The following ITGAM variants were observed in gnomAD, a reference collection of about 807,000 sequenced individuals.
The protein encoded by ITGAM is integrin alpha-M.
Under a neutral mutation model 137.5 loss-of-function variants are expected in ITGAM, and 79 were observed. That is an observed-to-expected ratio of 0.57 (90% CI 0.48 to 0.69). The LOEUF (loss-of-function observed/expected upper bound fraction) is 0.69, where lower values mean the gene tolerates loss of function less well. Ranked by LOEUF, ITGAM falls within the 30% of genes least tolerant of loss-of-function variation. The pLI is 0.00. For synonymous variants in ITGAM, 583 were observed against 592.3 expected, an observed-to-expected ratio of 0.98 and a Z score of 0.23; for missense variants, 1,343 against 1,483.5, an observed-to-expected ratio of 0.91 and a Z score of 1.56.
In ITGAM at chr16:31,328,383, G is replaced by A. The variant is rs531112798; in HGVS notation, c.2792+153G>A. ...GTGCATGGGTGTGTATTTGGGCATG[G>A]GTGTGTGAGTGTGATGATCTATGTG... is the stretch of plus-strand genomic sequence containing the variant. On this transcript the variant is annotated intron_variant, in intron 23 of 29. Transcript: ENST00000544665. Among the ~76,000 whole-genome samples, 11 of 148,240 alleles carry A rather than the reference G, an allele frequency of 7.4e-5. No individual in the cohort carries two copies. The East Asian group carries it at 2.3e-3, about 31-fold the overall frequency.
intron 21 of ITGAM, 79 bp from the exon 22 acceptor site, chr16:31,326,777 T>G: frequency 1.0e-6 from 1 of 961,176 alleles, no homozygotes; most frequent in Non-Finnish European, 1.7e-6. Flanking sequence ...ATTTCATGTC[T>G]CCATTAATCA....
intron 5 of ITGAM, among the ~76,000 whole-genome samples, chr16:31,268,935 C>T (rs1167821277): frequency 2.0e-5 from 3 of 152,124 alleles, no homozygotes; most frequent in African/African-American, 2.4e-5. Context: ...CTAGACAGAG[C>T]CGATTCATCA....
chr16:31,290,011 G>T lies in ITGAM; in HGVS notation c.1357-7503G>T, dbSNP rs763988606. 1.3e-4 allele frequency among the ~76,000 whole-genome samples: 19 copies of T among 149,480 alleles called. 1 individual carries two copies. The highest frequency in any genetic ancestry group is 6.4e-3 in the Middle Eastern group (2 of 312). On this transcript the variant is annotated intron_variant, in intron 12 of 29. Coordinates refer to ENST00000544665, the MANE Select transcript of ITGAM (RefSeq NM_000632.4). ...CAGGAGAATCGCTTGAATCTGGGAGGCAGAGGTTATGGTGAGCCGAGATCA... is the reference window on the plus strand; with the variant it reads ...CAGGAGAATCGCTTGAATCTGGGAGTCAGAGGTTATGGTGAGCCGAGATCA...
In ITGAM at chr16:31,279,007, A is replaced by C. The variant is rs560202796; in HGVS notation, c.1356+898A>C. 2.0e-4 allele frequency among the ~76,000 whole-genome samples: 31 copies of C among 152,206 alleles called. No homozygotes were observed. The South Asian group carries it at 6.2e-3, about 31-fold the overall frequency. ...GCAGTGTTTGGTTTTCTGTGCTTGC[A>C]ACAGTTTGCTCAGAATGATGGTTTC... is the stretch of plus-strand genomic sequence containing the variant. On this transcript the variant is annotated intron_variant, in intron 12 of 29. Transcript: ENST00000544665.
chr16:31,262,386 T>G (rs983683964), intron 2 of ITGAM, among the ~76,000 whole-genome samples: 3 of 145,024 alleles, frequency 2.1e-5, no homozygotes, highest in Admixed American at 7.0e-5. Context: ...CTTCCTTCCT[T>G]CCTTCCTTCC....
At chr16:31,313,012 G>A (rs934936295) in intron 14 of ITGAM, among the ~76,000 whole-genome samples, 6 of 152,038 alleles carry the variant, frequency 3.9e-5, no homozygotes, top group Admixed American at 2.0e-4. Flanking sequence ...GAGGTCAGGA[G>A]TTCAAGACCA....
rs199881740 is a variant in ITGAM, at chr16:31,275,564, C to G, written c.874C>G (p.Arg292Gly). 1 of 1,613,798 alleles carries G rather than the reference C, an allele frequency of 6.2e-7. No individual in the cohort carries two copies. The highest frequency in any genetic ancestry group is 1.3e-5 in the African/African-American group (1 of 74,910). The stretch of plus-strand genomic sequence containing the variant: ...TTGGTAACAGGTGGGAGATGCCTTC[C>G]GCAGTGAGAAATCCCGCCAAGAGCT... Reference protein sequence around the residue: ...RYVIGVGDAFRSEKSRQELNT... With the variant: ...RYVIGVGDAFGSEKSRQELNT... The change falls in exon 9 of 30, where the codon CGC (arginine) becomes GGC (glycine). Residue 292 changes from arginine (R) to glycine (G), a missense_variant. Physicochemically the swap from Arg to Gly is moderately radical, Grantham distance 125. Transcript: ENST00000544665.
intron 12 of ITGAM, among the ~76,000 whole-genome samples, chr16:31,285,929 C>A (rs2080025068): frequency 6.6e-6 from 1 of 152,000 alleles, no homozygotes; most frequent in Non-Finnish European, 1.5e-5. Context: ...GCCTTGGCCT[C>A]CCAAAATGCT....
At chr16:31,296,574 A>G (rs1567264189) in intron 12 of ITGAM, among the ~76,000 whole-genome samples, 1 of 152,182 alleles carries the variant, frequency 6.6e-6, no homozygotes. Context: ...TCTTCCCTCA[A>G]TGGTGTATGA....
At chr16:31,293,960 G>A (rs1206945237) in intron 12 of ITGAM, among the ~76,000 whole-genome samples, 1 of 152,042 alleles carries the variant, frequency 6.6e-6, no homozygotes, top group African/African-American at 2.4e-5. Context: ...CAACTCTCTG[G>A]TTAGCTGTAT....
intron 2 of ITGAM, among the ~76,000 whole-genome samples, chr16:31,263,387 C>A: frequency 6.6e-6 from 1 of 152,322 alleles, no homozygotes; most frequent in Non-Finnish European, 1.5e-5. Context: ...GTGGTATCCA[C>A]GGGTGCATGA....
In ITGAM at chr16:31,271,773, C is replaced by T. The variant is rs865953787; in HGVS notation, c.559-74C>T. On this transcript the variant is annotated intron_variant, in intron 6 of 29. Transcript: ENST00000544665. ...TGGAGAGTGGAGTGTTTAAGATCTTCGTGGAGCTTGCTGGGAGATGTCTGA... is the reference window on the plus strand; with the variant it reads ...TGGAGAGTGGAGTGTTTAAGATCTTTGTGGAGCTTGCTGGGAGATGTCTGA... The T allele has an allele frequency of 1.6e-5, 25 of 1,567,144 alleles. No homozygotes were observed. In the Middle Eastern group the frequency reaches 7.5e-4, roughly 47 times the overall value.
chr16:31,262,982 C>A (rs1271903016), intron 2 of ITGAM, among the ~76,000 whole-genome samples: 1 of 152,118 alleles, frequency 6.6e-6, no homozygotes, highest in African/African-American at 2.4e-5. Flanking sequence ...CCCTCTGTCG[C>A]CCAGGCTGGA....
At chr16:31,331,590 C>A (rs745871837) in intron 29 of ITGAM, 46 bp from the exon 30 acceptor site, 6 of 1,493,288 alleles carry the variant, frequency 4.0e-6, no homozygotes, top group South Asian at 2.4e-5. Flanking sequence ...CGGAGCCGCA[C>A]GCTCCCTGGC....
chr16:31,262,328 C>CTCCCTTCCT (rs1231378071), intron 2 of ITGAM, among the ~76,000 whole-genome samples: 1 of 138,674 alleles, frequency 7.2e-6, no homozygotes, highest in African/African-American at 3.0e-5. Flanking sequence ...CCTCCCTTCC[C>CTCCCTTCCT]TCCCTTCCAT....
At chr16:31,296,632 C>T (rs1438151259) in intron 12 of ITGAM, among the ~76,000 whole-genome samples, 1 of 152,060 alleles carries the variant, frequency 6.6e-6, no homozygotes, top group Non-Finnish European at 1.5e-5. Context: ...CCTGCACATT[C>T]CCTTTCTAGA....
At chr16:31,315,873 G>A (rs1024766947) in intron 14 of ITGAM, among the ~76,000 whole-genome samples, 3 of 151,992 alleles carry the variant, frequency 2.0e-5, no homozygotes, top group African/African-American at 7.2e-5. Context: ...TTTCCCCATT[G>A]TATGCCCTTG....
intron 12 of ITGAM, among the ~76,000 whole-genome samples, chr16:31,280,049 A>T (rs953941922): frequency 6.6e-6 from 1 of 151,942 alleles, no homozygotes; most frequent in African/African-American, 2.4e-5. Flanking sequence ...ATGGTTGTAG[A>T]TGTGTGGTAT....
At chr16:31,273,590 G>A in intron 8 of ITGAM, 72 bp downstream of exon 8, 1 of 1,468,284 alleles carries the variant, frequency 6.8e-7, no homozygotes, top group Non-Finnish European at 9.4e-7. Context: ...CCTTCAATTT[G>A]CAAATATTAT....
Sources: allele counts gnomAD v4.1 joint callset (sites outside exome capture counted in the v4.1 genomes callset), GRCh38; gene constraint gnomAD v4.1.1; transcripts MANE v1.5; gene names NCBI Gene and HGNC (gene_info 2026-07-23, HGNC 2026-07-21).